Variants in CLVS2 observed in about 807,000 individuals in gnomAD.
CLVS2 encodes clavesin-2.
CLVS2 carries 19 observed loss-of-function variants against 29.0 expected under a neutral mutation model. That is an observed-to-expected ratio of 0.66 (90% CI 0.46 to 0.96). The LOEUF (loss-of-function observed/expected upper bound fraction) is 0.96, where lower values mean the gene tolerates loss of function less well. Among genes scored for constraint, CLVS2 ranks in the 40% least tolerant of loss-of-function variants. The pLI, the probability that CLVS2 is intolerant of heterozygous loss-of-function variation, is 0.00. For missense variants in CLVS2, 294 were observed against 404.1 expected (o/e 0.73, Z 2.34); for synonymous variants, 161 against 151.3 (o/e 1.06, Z -0.47).
intron 5 of CLVS2, among the ~76,000 whole-genome samples, chr6:123,056,416 T>C (rs940798794): frequency 3.3e-5 from 5 of 152,208 alleles, no homozygotes; most frequent in Non-Finnish European, 7.3e-5. Context: ...ACCACCATTC[T>C]ACTATCTATT....
At chr6:123,004,013 TA>T (rs994181314) in intron 2 of CLVS2, among the ~76,000 whole-genome samples, 12 of 151,928 alleles carry the variant, frequency 7.9e-5, no homozygotes, top group African/African-American at 2.4e-4. Context: ...GGCAAATGTA[TA>T]AAAAAAATCA....
Position 123,050,676 on chromosome 6 carries a change from TA to T in CLVS2, c.675+1945del, listed in dbSNP as rs549505263. Among the ~76,000 whole-genome samples the T allele has an allele frequency of 1.9e-3, 296 of 152,076 alleles. 2 individuals are homozygous for T. Among genetic ancestry groups the T allele is most frequent in the Middle Eastern group, 6.8e-3 (2 of 294 alleles). On this transcript the variant is annotated intron_variant, in intron 4 of 5. Transcript: ENST00000275162. ...ATGGAGTAGGTGGTAGAGGATGGGA[TA>T]GGGGGGACTGCTTTGTACCAGATCG... is the stretch of plus-strand genomic sequence containing the variant.
chr6:123,004,416 A>G (rs1774634044), intron 2 of CLVS2, among the ~76,000 whole-genome samples: 2 of 152,236 alleles, frequency 1.3e-5, no homozygotes, highest in Non-Finnish European at 2.9e-5. Flanking sequence ...TTCTGTGCTC[A>G]GTAATACAAG....
chr6:123,033,612 T>A (rs1775111820), intron 3 of CLVS2, among the ~76,000 whole-genome samples: 1 of 152,032 alleles, frequency 6.6e-6, no homozygotes, highest in Admixed American at 6.6e-5. Context: ...TGTAGAACTT[T>A]TAGAAAAAAA....
chr6:123,006,165 G>A (rs542053049), intron 2 of CLVS2, among the ~76,000 whole-genome samples: 5 of 152,264 alleles, frequency 3.3e-5, no homozygotes, highest in African/African-American at 4.8e-5. Flanking sequence ...AGCTGGTGGC[G>A]GGCCCAGAGG....
intron 3 of CLVS2, among the ~76,000 whole-genome samples, chr6:123,031,336 A>T (rs1348863555): frequency 1.3e-5 from 2 of 151,974 alleles, no homozygotes; most frequent in East Asian, 3.9e-4. Context: ...GTCAGTTCTA[A>T]CTCCAGCTCA....
At chr6:123,011,212 GTC>G in intron 3 of CLVS2, 53 bp downstream of exon 3, 6 of 1,310,728 alleles carry the variant, frequency 4.6e-6, no homozygotes, top group Non-Finnish European at 6.2e-6. Flanking sequence ...GACTTCTCTT[GTC>G]TAATGTGTTA....
At chr6:123,034,278 T>A (rs1775120508) in intron 3 of CLVS2, among the ~76,000 whole-genome samples, 1 of 152,136 alleles carries the variant, frequency 6.6e-6, no homozygotes. Context: ...AGTGGCTTCA[T>A]TCATAATAGC....
At chr6:123,048,358 T>A (rs1379690322) in intron 3 of CLVS2, among the ~76,000 whole-genome samples, 1 of 152,142 alleles carries the variant, frequency 6.6e-6, no homozygotes, top group Non-Finnish European at 1.5e-5. Context: ...GTTTATAGGC[T>A]TAAACTACGA....
Position 123,065,721 on chromosome 6 carries a change from T to C in CLVS2, c.*1960T>C, listed in dbSNP as rs936578905. 4 of 151,778 alleles carry C rather than the reference T, an allele frequency of 2.6e-5. No individual in the cohort carries two copies. Among genetic ancestry groups the C allele is most frequent in the Non-Finnish European group, 4.4e-5 (3 of 67,790 alleles). 9.4% of individuals were successfully genotyped at this position (151,778 alleles called of 1,614,324 possible). ...TTTAGACTATATAAATCTTAGGCAG[T>C]ATAATCCATTGGAATAAAATAGAAA... is the stretch of plus-strand genomic sequence containing the variant. On this transcript the variant is annotated 3_prime_UTR_variant, in exon 6 of 6. Transcript: ENST00000275162.
chr6:123,033,417 T>C, intron 3 of CLVS2, among the ~76,000 whole-genome samples: 1 of 152,124 alleles, frequency 6.6e-6, no homozygotes, highest in African/African-American at 2.4e-5. Flanking sequence ...CACAAATATG[T>C]CCAACTGATA....
At chr6:123,063,289 C>T (rs973233321) in intron 5 of CLVS2, among the ~76,000 whole-genome samples, 1 of 151,916 alleles carries the variant, frequency 6.6e-6, no homozygotes, top group Non-Finnish European at 1.5e-5. Flanking sequence ...TTTAGTTTAT[C>T]ATAATAATCA....
At chr6:122,996,879 G>A (rs545647589) in intron 1 of CLVS2, 133 bp downstream of exon 1, 2 of 148,820 alleles carry the variant, frequency 1.3e-5, no homozygotes, top group Non-Finnish European at 3.0e-5. Flanking sequence ...AGATATCCCC[G>A]GTCCCCTCCC....
chr6:123,030,836 A>AT (rs1562168972), intron 3 of CLVS2, among the ~76,000 whole-genome samples: 2 of 124,490 alleles, frequency 1.6e-5, no homozygotes, highest in African/African-American at 3.1e-5. Context: ...TATATATATA[A>AT]AATATATATA....
chr6:123,058,017 A>T (rs1477936160), intron 5 of CLVS2, among the ~76,000 whole-genome samples: 1 of 152,182 alleles, frequency 6.6e-6, no homozygotes, highest in Non-Finnish European at 1.5e-5. Flanking sequence ...AAATTATTTG[A>T]AAGTTTTTAA....
chr6:123,031,263 G>A (rs952865783), intron 3 of CLVS2, among the ~76,000 whole-genome samples: 2 of 152,066 alleles, frequency 1.3e-5, no homozygotes, highest in African/African-American at 4.8e-5. Flanking sequence ...GAGCCCTTAT[G>A]CCTTGCCTAG....
intron 3 of CLVS2, among the ~76,000 whole-genome samples, chr6:123,025,171 T>G (rs1397042297): frequency 6.6e-6 from 1 of 152,088 alleles, no homozygotes; most frequent in Non-Finnish European, 1.5e-5. Context: ...CCCAGCTATT[T>G]AAAGGTCTGT....
chr6:123,008,573 A>G (rs1369131412), intron 2 of CLVS2, among the ~76,000 whole-genome samples: 2 of 152,114 alleles, frequency 1.3e-5, no homozygotes, highest in Non-Finnish European at 2.9e-5. Context: ...TTGATTTCTT[A>G]TGGATAACAT....
rs117084357 is a variant in CLVS2, at chr6:123,028,434, C to T, written c.564+17275C>T. Among the ~76,000 whole-genome samples, 68 of 152,230 alleles carry T rather than the reference C, an allele frequency of 4.5e-4. No individual in the cohort carries two copies. In the East Asian group the frequency reaches 0.012, roughly 26 times the overall value. The stretch of plus-strand genomic sequence containing the variant: ...CAGCAGTTTGGGAGGCCGAGGCAAG[C>T]GGATTGCTTGAGCCCAAAAGTCCGA... On this transcript the variant is annotated intron_variant, in intron 3 of 5. Coordinates refer to ENST00000275162, the MANE Select transcript of CLVS2 (RefSeq NM_001010852.4).
Sources: allele counts gnomAD v4.1 joint callset (sites outside exome capture counted in the v4.1 genomes callset), GRCh38; gene constraint gnomAD v4.1.1; transcripts MANE v1.5; gene names NCBI Gene and HGNC (gene_info 2026-07-23, HGNC 2026-07-21).